The following HECW1 variants were observed in gnomAD, a reference collection of about 807,000 sequenced individuals.
HECW1 encodes the protein HECT, C2 and WW domain containing E3 ubiquitin protein ligase 1.
In HECW1, 61 loss-of-function variants were observed where a neutral mutation model predicts 182.3. That is an observed-to-expected ratio of 0.33 (90% confidence interval 0.27 to 0.41). The LOEUF is 0.41. Among genes scored for constraint, HECW1 ranks in the 10% least tolerant of loss-of-function variants. The pLI is 1.00. For missense variants in HECW1, 1,739 were observed against 2,108.9 expected (o/e 0.82, Z 3.44); for synonymous variants, 859 against 832.6 (o/e 1.03, Z -0.55).
chr7:43,460,424 G>T (rs1290495394), intron 13 of HECW1, among the ~76,000 whole-genome samples: 1 of 152,132 alleles, frequency 6.6e-6, no homozygotes, highest in Admixed American at 6.5e-5. Flanking sequence ...CATGTGAATT[G>T]TCTGTTCTTG....
At chr7:43,514,023 A>G (rs930879944) in intron 24 of HECW1, among the ~76,000 whole-genome samples, 2 of 152,180 alleles carry the variant, frequency 1.3e-5, no homozygotes, top group African/African-American at 4.8e-5. Flanking sequence ...TCCAGTCCCA[A>G]TGGCCAAACC....
intron 3 of HECW1, among the ~76,000 whole-genome samples, chr7:43,287,243 G>C (rs531493426): frequency 1.1e-4 from 17 of 152,100 alleles, no homozygotes; most frequent in Admixed American, 9.8e-4. Flanking sequence ...TTAGGGAGGA[G>C]TAGATGAGCA....
chr7:43,312,177 A>G (rs780348254), intron 4 of HECW1, 90 bp downstream of exon 4: 10 of 1,180,494 alleles, frequency 8.5e-6, no homozygotes, highest in Non-Finnish European at 1.1e-5. Context: ...ATTAAAATAT[A>G]CAAGCAACTG....
At chr7:43,221,573 T>C (rs1018344369) in intron 2 of HECW1, among the ~76,000 whole-genome samples, 3 of 80,298 alleles carry the variant, frequency 3.7e-5, no homozygotes, top group Non-Finnish European at 4.5e-5. Context: ...TTTTTTTTTT[T>C]TTTTTTGGGA....
intron 4 of HECW1, among the ~76,000 whole-genome samples, chr7:43,318,328 A>G (rs2152778486): frequency 6.6e-6 from 1 of 152,360 alleles, no homozygotes; most frequent in South Asian, 2.1e-4. Flanking sequence ...TTTTGCAGAA[A>G]TGAGGCAATT....
At chr7:43,436,012 A>G (rs2076699399) in intron 8 of HECW1, among the ~76,000 whole-genome samples, 1 of 152,076 alleles carries the variant, frequency 6.6e-6, no homozygotes, top group Admixed American at 6.5e-5. Context: ...AAAATACAAA[A>G]AATTAGCTGG....
chr7:43,320,685 G>A lies in HECW1; in HGVS notation c.403G>A (p.Gly135Ser), dbSNP rs1237176231. The change falls in exon 5 of 30, where the codon GGT becomes AGT. Residue 135 changes from glycine to serine, a missense_variant. Transcript: ENST00000395891. ...GGACTATAAAAACCGTGGAGTCAAT[G>A]GTTCTCATCGGGGCCAGATCATCTG... ...FLDYKNRGVN[G>S]SHRGQIIWKI... 6.2e-7 allele frequency: 1 copy of A among 1,614,172 alleles called. No individual in the cohort carries two copies. The highest frequency in any genetic ancestry group is 1.7e-5 in the Admixed American group (1 of 60,008).
intron 5 of HECW1, among the ~76,000 whole-genome samples, chr7:43,321,300 C>T (rs376439018): frequency 1.3e-5 from 2 of 152,162 alleles, no homozygotes; most frequent in African/African-American, 4.8e-5. Context: ...AATGTATAAA[C>T]TTTCTATCAT....
At chr7:43,335,620 T>C (rs1284232571) in intron 5 of HECW1, among the ~76,000 whole-genome samples, 1 of 152,252 alleles carries the variant, frequency 6.6e-6, no homozygotes, top group Non-Finnish European at 1.5e-5. Context: ...GATATTTTTA[T>C]AGCAGTCCAA....
chr7:43,144,499 C>T (rs1788490336), intron 2 of HECW1, among the ~76,000 whole-genome samples: 2 of 152,322 alleles, frequency 1.3e-5, no homozygotes, highest in South Asian at 2.1e-4. Context: ...TTGGACTCTT[C>T]TCCCCCATTG....
intron 24 of HECW1, among the ~76,000 whole-genome samples, chr7:43,524,005 C>CT (rs1034271091): frequency 4.1e-5 from 6 of 147,146 alleles, no homozygotes; most frequent in African/African-American, 1.5e-4. Flanking sequence ...TGTTTTTCAT[C>CT]TTAAAAAAAA....
intron 8 of HECW1, among the ~76,000 whole-genome samples, chr7:43,412,699 C>T (rs1438482631): frequency 1.7e-4 from 26 of 149,876 alleles, no homozygotes; most frequent in Admixed American, 6.0e-4. Flanking sequence ...TGAGAATATG[C>T]GGTGTTTGGT....
At chr7:43,510,775 G>A (rs913108264) in intron 24 of HECW1, among the ~76,000 whole-genome samples, 4 of 152,286 alleles carry the variant, frequency 2.6e-5, no homozygotes, top group South Asian at 2.1e-4. Flanking sequence ...CAAGTACCAC[G>A]GTGGGATGAA....
At chr7:43,176,104 T>C (rs1347556365) in intron 2 of HECW1, among the ~76,000 whole-genome samples, 1 of 152,182 alleles carries the variant, frequency 6.6e-6, no homozygotes, top group Admixed American at 6.5e-5. Flanking sequence ...GTAGACAGCA[T>C]TTGCAAATAA....
intron 2 of HECW1, among the ~76,000 whole-genome samples, chr7:43,217,325 A>G (rs773293070): frequency 3.3e-5 from 5 of 152,364 alleles, no homozygotes; most frequent in Non-Finnish European, 7.3e-5. Context: ...AGCTATGTAT[A>G]AAATACACTT....
intron 3 of HECW1, among the ~76,000 whole-genome samples, chr7:43,276,382 C>G (rs986419057): frequency 1.3e-5 from 2 of 152,102 alleles, no homozygotes; most frequent in Middle Eastern, 3.2e-3. Context: ...CCCAGTATGG[C>G]ATTGATTTTA....
chr7:43,332,140 G>T (rs1811574152), intron 5 of HECW1, among the ~76,000 whole-genome samples: 1 of 151,134 alleles, frequency 6.6e-6, no homozygotes, highest in Admixed American at 6.6e-5. Context: ...GAAATTGGAA[G>T]AACTCAGGAG....
rs77412333 is a variant in HECW1, at chr7:43,245,164, A to G, written c.27+1232A>G. ...AGCACAGTCACTTAAATTCCCCTTT[A>G]TCTCCTTGAGTATCCCAGCTTGGTG... On this transcript the variant is annotated intron_variant, in intron 3 of 29. Transcript: ENST00000395891. 8.2e-3 allele frequency among the ~76,000 whole-genome samples: 1,245 copies of G among 152,290 alleles called. 38 individuals are homozygous for G. The East Asian group carries it at 0.12, about 14-fold the overall frequency.
intron 17 of HECW1, among the ~76,000 whole-genome samples, chr7:43,486,721 T>C (rs1487499320): frequency 1.3e-5 from 2 of 152,228 alleles, no homozygotes; most frequent in Admixed American, 1.3e-4. Flanking sequence ...GCATCCATTG[T>C]TGACTGAAAC....
Sources: allele counts gnomAD v4.1 joint callset (sites outside exome capture counted in the v4.1 genomes callset), GRCh38; gene constraint gnomAD v4.1.1; transcripts MANE v1.5; gene names NCBI Gene and HGNC (gene_info 2026-07-23, HGNC 2026-07-21).